Variants in ZFHX4 observed in about 807,000 individuals in gnomAD.
The protein encoded by ZFHX4 is zinc finger homeobox protein 4.
In ZFHX4, 56 loss-of-function variants were observed where a neutral mutation model predicts 267.6. The ratio of observed to expected loss-of-function variants is 0.21; its 90% CI spans 0.17 to 0.26. The LOEUF is 0.26. ZFHX4 is among the 10% of genes least tolerant of loss of function. The probability of loss-of-function intolerance (pLI) is 1.00; values close to 1 mark genes in which losing one functional copy is unlikely to be tolerated. For synonymous variants in ZFHX4, 1,778 were observed against 1,665.6 expected, an observed-to-expected ratio of 1.07 and a Z score of -1.64; for missense variants, 4,332 against 4,420.0, an observed-to-expected ratio of 0.98 and a Z score of 0.56.
chr8:76,789,479 ATGAC>A (rs1476368737), intron 4 of ZFHX4, among the ~76,000 whole-genome samples: 2 of 152,182 alleles, frequency 1.3e-5, no homozygotes, highest in African/African-American at 2.4e-5. Context: ...AGATAAGTAA[ATGAC>A]TGCAGAATCT....
intron 4 of ZFHX4, among the ~76,000 whole-genome samples, chr8:76,815,265 A>T (rs1699807057): frequency 6.6e-6 from 1 of 152,192 alleles, no homozygotes; most frequent in African/African-American, 2.4e-5. Flanking sequence ...GGAAGGTTGT[A>T]AAACTAAGCT....
At chr8:76,837,828 A>G (rs1812132041) in intron 5 of ZFHX4, among the ~76,000 whole-genome samples, 1 of 152,218 alleles carries the variant, frequency 6.6e-6, no homozygotes, top group Non-Finnish European at 1.5e-5. Flanking sequence ...GTGGGGGGAA[A>G]ATAGCATTTA....
At chr8:76,779,942 T>C (rs1019817476) in intron 4 of ZFHX4, among the ~76,000 whole-genome samples, 3 of 152,106 alleles carry the variant, frequency 2.0e-5, no homozygotes, top group African/African-American at 7.2e-5. Context: ...CAACTGTGCT[T>C]GGATAAGAAT....
At chr8:76,713,320 A>G (rs1808479340) in intron 3 of ZFHX4, among the ~76,000 whole-genome samples, 1 of 136,480 alleles carries the variant, frequency 7.3e-6, no homozygotes, top group Admixed American at 7.2e-5. Context: ...TAGATAGATG[A>G]TAGACAGATA....
chr8:76,860,387 T>C (rs1473964810), intron 10 of ZFHX4, among the ~76,000 whole-genome samples: 3 of 152,100 alleles, frequency 2.0e-5, no homozygotes, highest in African/African-American at 7.2e-5. Context: ...TATTACTTCA[T>C]TATGTAACCC....
At chr8:76,828,967 CA>C (rs1811857587) in intron 4 of ZFHX4, among the ~76,000 whole-genome samples, 1 of 152,094 alleles carries the variant, frequency 6.6e-6, no homozygotes, top group African/African-American at 2.4e-5. Context: ...AATGCATTAG[CA>C]AATTATTGGG....
intron 3 of ZFHX4, among the ~76,000 whole-genome samples, chr8:76,717,793 C>T (rs890348184): frequency 9.2e-5 from 14 of 152,108 alleles, no homozygotes; most frequent in Admixed American, 2.6e-4. Flanking sequence ...AACGAGGTTT[C>T]GCTATGTTGC....
In ZFHX4 at chr8:76,864,266, C is replaced by A. The variant is rs1385302219; in HGVS notation, c.10552C>A (p.Leu3518Ile). ...TTCTTCTAATAACACCTATCCTCAT[C>A]TTTCTTGCTTCTCCATGAAGTCCTG... ...AASSNNTYPH[L>I]SCFSMKSWPN... The change falls in exon 11 of 11, where the codon CTT becomes ATT. Residue 3518 changes from leucine to isoleucine, a missense_variant. This residue lies in a region of ZFHX4 where 1,648 missense variants were observed against 1,625.0 expected (regional missense o/e 1.01). Coordinates refer to ENST00000651372, the MANE Select transcript of ZFHX4 (RefSeq NM_024721.5). The A allele has an allele frequency of 1.2e-6, 2 of 1,613,802 alleles. No homozygotes were observed. Among genetic ancestry groups the A allele is most frequent in the Non-Finnish European group, 1.7e-6 (2 of 1,179,846 alleles).
At position 76,705,302 on chromosome 8, in the gene ZFHX4, A is replaced by G. The variant is rs1444628641; in HGVS notation, c.1214A>G (p.Glu405Gly). Reference sequence around the variant, plus strand: ...GGGATTACCCAAATGCCAAAGGCTGAAGTGAATCTGGGGGGGCTGTCTAGT... The same window carrying G: ...GGGATTACCCAAATGCCAAAGGCTGGAGTGAATCTGGGGGGGCTGTCTAGT... ...PLGITQMPKA[E>G]VNLGGLSSLV... The change falls in exon 2 of 11, where the codon GAA becomes GGA. Residue 405 changes from glutamate (E) to glycine (G), a missense_variant. By Grantham distance (98) the Glu-to-Gly change is moderately conservative. This residue lies in a region of ZFHX4 where 1,195 missense variants were observed against 1,173.6 expected (regional missense o/e 1.02). Transcript: ENST00000651372. 1 of 1,613,910 alleles carries G rather than the reference A, an allele frequency of 6.2e-7. No individual in the cohort carries two copies. Among genetic ancestry groups the G allele is most frequent in the African/African-American group, 1.3e-5 (1 of 74,940 alleles).
At chr8:76,820,358 C>G (rs1811616909) in intron 4 of ZFHX4, among the ~76,000 whole-genome samples, 1 of 152,018 alleles carries the variant, frequency 6.6e-6, no homozygotes, top group African/African-American at 2.4e-5. Context: ...TTCATTTTCC[C>G]CTACTACTTG....
intron 3 of ZFHX4, among the ~76,000 whole-genome samples, chr8:76,731,652 T>A (rs1012895573): frequency 6.6e-6 from 1 of 152,038 alleles, no homozygotes; most frequent in African/African-American, 2.4e-5. Context: ...AATTTTGAAA[T>A]TAAATAAGTC....
chr8:76,793,698 AAG>A (rs1448331907), intron 4 of ZFHX4, among the ~76,000 whole-genome samples: 1 of 152,190 alleles, frequency 6.6e-6, no homozygotes, highest in Non-Finnish European at 1.5e-5. Flanking sequence ...ATCATGTAAA[AAG>A]ACTATTAAAA....
At chr8:76,831,353 C>A (rs1268470828) in intron 4 of ZFHX4, among the ~76,000 whole-genome samples, 1 of 151,982 alleles carries the variant, frequency 6.6e-6, no homozygotes, top group Non-Finnish European at 1.5e-5. Flanking sequence ...TATGTTGATT[C>A]TTCACTAGAA....
chr8:76,864,390 G>A lies in ZFHX4; in HGVS notation c.10676G>A (p.Cys3559Tyr). The stretch of plus-strand genomic sequence containing the variant: ...CCTTCAACGGTTACCTCAAGTTTGT[G>A]CAGCACCTCAGGGGTTCAAACCTCA... ...SLPSTVTSSL[C>Y]STSGVQTSLP... Residue 3559 changes from cysteine to tyrosine, a missense_variant, in exon 11 of 11, where the codon TGC becomes TAC. Cys to Tyr is a radical substitution (Grantham distance 194). Around this residue, in one of 7 missense-constraint regions of ZFHX4, gnomAD observed 1,648 missense variants for 1,625.0 expected, o/e 1.01. Transcript: ENST00000651372. The A allele has an allele frequency of 6.2e-7, 1 of 1,613,700 alleles. No individual in the cohort carries two copies. Among genetic ancestry groups the A allele is most frequent in the African/African-American group, 1.3e-5 (1 of 74,960 alleles).
chr8:76,862,930 C>CA (rs1812908522), intron 10 of ZFHX4, among the ~76,000 whole-genome samples, 164 bp from the exon 11 acceptor site: 1 of 151,818 alleles, frequency 6.6e-6, no homozygotes, highest in Admixed American at 6.6e-5. Flanking sequence ...CAGGAAAGCC[C>CA]CATGTTGAAG....
intron 4 of ZFHX4, 32 bp downstream of exon 4, chr8:76,778,471 C>A: frequency 1.3e-6 from 2 of 1,522,342 alleles, no homozygotes; most frequent in Non-Finnish European, 9.1e-7. Context: ...TGTCTCTGAG[C>A]CTCCCTCCAC....
At chr8:76,722,342 C>T (rs1808743915) in intron 3 of ZFHX4, among the ~76,000 whole-genome samples, 1 of 152,034 alleles carries the variant, frequency 6.6e-6, no homozygotes, top group Admixed American at 6.6e-5. Flanking sequence ...GAAAGATTGA[C>T]TGCCTACTTC....
In ZFHX4 at chr8:76,845,457, AT is replaced by A. The variant is rs1394291802; in HGVS notation, c.3511+2688del. Among the ~76,000 whole-genome samples, 22 of 152,042 alleles carry A rather than the reference AT, an allele frequency of 1.4e-4. 1 individual carries two copies. The South Asian group carries it at 3.1e-3, about 21-fold the overall frequency. ...GGAAAGATGGAAATTAACCTTCATT[AT>A]TGCAATTAAAATTATCCTTTCATTC... On this transcript the variant is annotated intron_variant, in intron 6 of 10. Transcript: ENST00000651372.
chr8:76,771,322 A>G (rs192454356), intron 3 of ZFHX4, among the ~76,000 whole-genome samples: 1 of 152,288 alleles, frequency 6.6e-6, no homozygotes, highest in East Asian at 1.9e-4. Flanking sequence ...AGACTTTGTT[A>G]TATTCACTGC....
Sources: gnomAD v4.1 joint callset for allele counts (sites outside exome capture counted in the v4.1 genomes callset) on GRCh38, gnomAD v4.1.1 for gene constraint, gnomAD v4.1.1 regional missense constraint, MANE v1.5 for transcripts, NCBI Gene and HGNC (gene_info 2026-07-23, HGNC 2026-07-21) for gene names.